The following RAD17 variants were observed in gnomAD, a reference collection of about 807,000 sequenced individuals.
RAD17 encodes RAD17 checkpoint clamp loader component, also known as cell cycle checkpoint protein RAD17.
A neutral mutation model predicts 81.5 loss-of-function variants in RAD17; 31 were observed. The observed-to-expected ratio is 0.38, with a 90% CI of 0.29 to 0.51. The LOEUF is 0.51. Ranked by LOEUF, RAD17 falls within the 20% of genes least tolerant of loss-of-function variation. The pLI is 0.88. For missense variants in RAD17, 681 were observed against 781.2 expected, an observed-to-expected ratio of 0.87 and a Z score of 1.53; for synonymous variants, 261 against 266.2, an observed-to-expected ratio of 0.98 and a Z score of 0.19.
Position 69,414,342 on chromosome 5 carries a change from A to G in RAD17, c.*50A>G, listed in dbSNP as rs181612114. 2 of 1,567,564 alleles carry G rather than the reference A, an allele frequency of 1.3e-6. No homozygotes were observed. Among genetic ancestry groups the G allele is most frequent in the East Asian group, 4.5e-5 (2 of 44,536 alleles). On this transcript the variant is annotated 3_prime_UTR_variant, in exon 19 of 19. Coordinates refer to ENST00000354868, the MANE Select transcript of RAD17 (RefSeq NM_133338.3). ...TACTTCACAGCTTCATTTTTGTTTCATTCAGTGGTACTTCAGCAGAGTTAA... is the reference window on the plus strand; with the variant it reads ...TACTTCACAGCTTCATTTTTGTTTCGTTCAGTGGTACTTCAGCAGAGTTAA...
chr5:69,407,562 GTTTTTTTTTTTTTTT>G (rs550222595), intron 17 of RAD17, among the ~76,000 whole-genome samples: 11 of 40,898 alleles, frequency 2.7e-4, no homozygotes, highest in African/African-American at 4.4e-4. Context: ...CTATGTCCAA[GTTTTTTTTTTTTTTT>G]TTTTTTTTTT....
chr5:69,388,608 T>A (rs1429514063), intron 11 of RAD17, among the ~76,000 whole-genome samples: 1 of 152,148 alleles, frequency 6.6e-6, no homozygotes, highest in Non-Finnish European at 1.5e-5. Flanking sequence ...TAGTTTTTTA[T>A]TACTATTTTA....
intron 6 of RAD17, among the ~76,000 whole-genome samples, chr5:69,376,451 C>A (rs1763339645): frequency 6.6e-6 from 1 of 152,306 alleles, no homozygotes; most frequent in South Asian, 2.1e-4. Context: ...ACTAGAAAGG[C>A]AGGATAAGTT....
At chr5:69,401,470 C>CA (rs1765262333) in intron 17 of RAD17, among the ~76,000 whole-genome samples, 1 of 149,618 alleles carries the variant, frequency 6.7e-6, no homozygotes, top group Non-Finnish European at 1.5e-5. Context: ...TGGTGGATTT[C>CA]AGTATTACAA....
chr5:69,375,638 A>T (rs903606547), intron 6 of RAD17, among the ~76,000 whole-genome samples: 2 of 151,760 alleles, frequency 1.3e-5, no homozygotes, highest in Non-Finnish European at 2.9e-5. Flanking sequence ...CTGTTTTTTT[A>T]AAAAAATGAT....
intron 17 of RAD17, among the ~76,000 whole-genome samples, chr5:69,407,572 T>TG (rs1765694135): frequency 8.0e-6 from 1 of 124,352 alleles, no homozygotes; most frequent in African/African-American, 3.0e-5. Flanking sequence ...GTTTTTTTTT[T>TG]TTTTTTTTTT....
intron 6 of RAD17, among the ~76,000 whole-genome samples, chr5:69,378,663 T>C (rs990890748): frequency 1.3e-4 from 20 of 152,214 alleles, no homozygotes; most frequent in Non-Finnish European, 2.1e-4. Context: ...CATCAATATA[T>C]AGCCTTGTTG....
chr5:69,380,583 G>A (rs1431882904), intron 6 of RAD17, among the ~76,000 whole-genome samples: 1 of 152,018 alleles, frequency 6.6e-6, no homozygotes, highest in Non-Finnish European at 1.5e-5. Flanking sequence ...AAGTACATAG[G>A]TTCTTATTAA....
intron 17 of RAD17, among the ~76,000 whole-genome samples, chr5:69,404,797 C>T (rs902825085): frequency 1.3e-5 from 2 of 151,806 alleles, no homozygotes; most frequent in African/African-American, 2.4e-5. Flanking sequence ...ATAAAATTAG[C>T]CGGGTGTAGT....
At chr5:69,372,352 C>A in intron 4 of RAD17, 135 bp downstream of exon 4, 1 of 720,742 alleles carries the variant, frequency 1.4e-6, no homozygotes, top group Non-Finnish European at 2.3e-6. Context: ...CAAATTGTCT[C>A]CCCTAAGCCT....
intron 17 of RAD17, among the ~76,000 whole-genome samples, chr5:69,400,784 A>T (rs771994257): frequency 5.3e-5 from 8 of 152,070 alleles, no homozygotes; most frequent in Non-Finnish European, 8.8e-5. Flanking sequence ...AAATAAAAAA[A>T]TTAGCCAGGT....
intron 6 of RAD17, among the ~76,000 whole-genome samples, 180 bp downstream of exon 6, chr5:69,374,891 C>T (rs997880272): frequency 1.3e-5 from 2 of 152,066 alleles, no homozygotes; most frequent in Admixed American, 6.6e-5. Flanking sequence ...TTTGGGAGGC[C>T]AAGGCAGGAG....
intron 17 of RAD17, among the ~76,000 whole-genome samples, chr5:69,410,036 A>G (rs1479225946): frequency 1.3e-5 from 2 of 152,114 alleles, no homozygotes; most frequent in Non-Finnish European, 1.5e-5. Context: ...TATATACCAT[A>G]TTTGGTTATC....
At chr5:69,385,266 CTTTT>C (rs35876455) in intron 8 of RAD17, among the ~76,000 whole-genome samples, 4 of 102,296 alleles carry the variant, frequency 3.9e-5, no homozygotes, top group South Asian at 3.5e-4. Flanking sequence ...GGCCTAAAAT[CTTTT>C]TTTTTTTTTT....
chr5:69,385,506 AG>A (rs1482074467), intron 8 of RAD17, among the ~76,000 whole-genome samples: 1 of 151,806 alleles, frequency 6.6e-6, no homozygotes, highest in Non-Finnish European at 1.5e-5. Flanking sequence ...CCTGACCTCA[AG>A]GTAATCCTCC....
chr5:69,391,679 G>A (rs1764563636), intron 12 of RAD17, 152 bp from the exon 13 acceptor site: 4 of 559,900 alleles, frequency 7.1e-6, no homozygotes, highest in Admixed American at 4.1e-5. Context: ...AACCCAAAGA[G>A]GATTCCAACT....
Position 69,374,481 on chromosome 5 carries a change from A to T in RAD17, c.268-147A>T, listed in dbSNP as rs1261748586. On this transcript the variant is annotated intron_variant, in intron 5 of 18. Coordinates refer to ENST00000354868, the MANE Select transcript of RAD17 (RefSeq NM_133338.3). Reference sequence around the variant, plus strand: ...TTTTCCATAATAGTATAAAAATTCAAGTATAATCAAAAGGATCATTTTATT... The same window carrying T: ...TTTTCCATAATAGTATAAAAATTCATGTATAATCAAAAGGATCATTTTATT... 1.1e-5 allele frequency: 6 copies of T among 554,854 alleles called. No homozygotes were observed. In the East Asian group the frequency reaches 1.9e-4, roughly 17 times the overall value. The allele number at this position is 554,854 out of a possible 1,614,324, so 34.4% of individuals were successfully genotyped here.
chr5:69,390,003 T>C (rs1764449604), intron 12 of RAD17, among the ~76,000 whole-genome samples: 1 of 152,228 alleles, frequency 6.6e-6, no homozygotes, highest in Admixed American at 6.6e-5. Context: ...TGTTAAAAAG[T>C]ATAAATTTAT....
chr5:69,377,536 TAC>T lies in RAD17; in HGVS notation c.351+2826_351+2827del, dbSNP rs1763478764. Reference sequence around the variant, plus strand: ...ATATACGTATATATATGTGTATATATACGTATATATATGCATATATATGTATA... The same window carrying T: ...ATATACGTATATATATGTGTATATATGTATATATATGCATATATATGTATA... On this transcript the variant is annotated intron_variant, in intron 6 of 18. Transcript: ENST00000354868. Among the ~76,000 whole-genome samples, 4 of 71,206 alleles carry T rather than the reference TAC, an allele frequency of 5.6e-5. 2 individuals are homozygous for T. The highest frequency in any genetic ancestry group is 1.1e-4 in the Non-Finnish European group (4 of 35,386). The allele number at this position is 71,206 out of a possible 152,430, so 46.7% of individuals were successfully genotyped here.
Sources: gnomAD v4.1 joint callset for allele counts (sites outside exome capture counted in the v4.1 genomes callset) on GRCh38, gnomAD v4.1.1 for gene constraint, MANE v1.5 for transcripts, NCBI Gene and HGNC (gene_info 2026-07-23, HGNC 2026-07-21) for gene names.